The following INTS6 variants were observed in gnomAD, a reference collection of about 807,000 sequenced individuals.
INTS6 encodes the protein DEAD box protein.
In INTS6, 16 loss-of-function variants were observed where a neutral mutation model predicts 104.9. The observed-to-expected ratio is 0.15, with a 90% CI of 0.10 to 0.23. The LOEUF (loss-of-function observed/expected upper bound fraction) is 0.23. Ranked by LOEUF, INTS6 falls within the 10% of genes least tolerant of loss-of-function variation. INTS6 has a pLI of 1.00. For synonymous variants in INTS6, 324 were observed against 358.7 expected (o/e 0.90, Z 1.09); for missense variants, 584 against 1,062.8 (o/e 0.55, Z 6.26).
At chr13:51,352,156 G>C (rs1013157428), downstream of INTS6, among the ~76,000 whole-genome samples, 3 of 152,008 alleles carry the variant, frequency 2.0e-5, no homozygotes, top group African/African-American at 7.2e-5. Flanking sequence ...ATGCAGGAGG[G>C]ATTTAGACAG....
At chr13:51,367,262 A>G (rs1955710914) in intron 17 of INTS6, among the ~76,000 whole-genome samples, 1 of 152,062 alleles carries the variant, frequency 6.6e-6, no homozygotes, top group Non-Finnish European at 1.5e-5. Context: ...CAATACAGAT[A>G]CAACCATCCA....
intron 3 of INTS6, among the ~76,000 whole-genome samples, chr13:51,434,263 A>G (rs893922374): frequency 2.0e-5 from 3 of 152,174 alleles, no homozygotes; most frequent in African/African-American, 4.8e-5. Context: ...AAATCAGTGT[A>G]TCTTCCCCCA....
At chr13:51,357,674 C>G (rs12428053), downstream of INTS6, among the ~76,000 whole-genome samples, 14,281 of 152,012 alleles carry the variant, frequency 0.094, 988 homozygotes, top group Admixed American at 0.2. Flanking sequence ...AGTTCCCCCC[C>G]AGTCTCCTTG....
downstream of INTS6, among the ~76,000 whole-genome samples, chr13:51,350,904 C>T (rs1247196729): frequency 6.6e-6 from 1 of 152,058 alleles, no homozygotes; most frequent in East Asian, 1.9e-4. Flanking sequence ...TACAATTATA[C>T]AATATGTGGC....
downstream of INTS6, chr13:51,361,569 T>C (rs74084812): frequency 2.0e-3 from 1,185 of 587,920 alleles, 14 homozygotes; most frequent in African/African-American, 0.02. Context: ...TAAAAATAAT[T>C]CTGAAAGTTA....
chr13:51,363,886 T>C lies in INTS6; in HGVS notation c.*1866A>G, dbSNP rs752251070. 6 of 161,388 alleles carry C rather than the reference T, an allele frequency of 3.7e-5. No homozygotes were observed. The highest frequency in any genetic ancestry group is 8.0e-5 in the Non-Finnish European group (6 of 74,552). The allele number at this position is 161,388 out of a possible 1,614,324, so 10.0% of individuals were successfully genotyped here. A position where few individuals can be genotyped will look rare whatever the true frequency, so the allele number is the denominator to read the frequency against. On this transcript the variant is annotated 3_prime_UTR_variant, in exon 18 of 18. Coordinates refer to ENST00000311234, the MANE Select transcript of INTS6 (RefSeq NM_012141.3). Reference sequence around the variant, plus strand: ...AAAATGTATTAAAGGTCATGAGCAATCTGTGAAACAGAAAATAAAACTTTC... The same window carrying C: ...AAAATGTATTAAAGGTCATGAGCAACCTGTGAAACAGAAAATAAAACTTTC...
intron 6 of INTS6, among the ~76,000 whole-genome samples, chr13:51,387,938 A>T (rs1214747658): frequency 6.6e-6 from 1 of 152,214 alleles, no homozygotes; most frequent in Non-Finnish European, 1.5e-5. Flanking sequence ...TGCCAGGCAC[A>T]CAATAAATAC....
Position 51,364,296 on chromosome 13 carries a change from A to T in INTS6, c.*1456T>A. The T allele has an allele frequency of 1.4e-6, 2 of 1,407,398 alleles. No individual in the cohort carries two copies. Among genetic ancestry groups the T allele is most frequent in the Non-Finnish European group, 1.9e-6 (2 of 1,040,416 alleles). The allele number at this position is 1,407,398 out of a possible 1,614,324, so 87.2% of individuals were successfully genotyped here. On this transcript the variant is annotated 3_prime_UTR_variant, in exon 18 of 18. Transcript: ENST00000311234. ...CCCCTAGACTAAATGCATGTTCTCC[A>T]CTTTCATCAATGCTTTTCTTCATAA...
rs574909277 is a variant in INTS6 at position 51,367,491 on chromosome 13, G to A, written c.2570+314C>T. On this transcript the variant is annotated intron_variant, in intron 17 of 17. Transcript: ENST00000311234. ...TTAGTCACCAATATTAATGTATAAAGGAGAAAAATTAAAGGTTATAAAATA... is the reference window on the plus strand; with the variant it reads ...TTAGTCACCAATATTAATGTATAAAAGAGAAAAATTAAAGGTTATAAAATA... Among the ~76,000 whole-genome samples the A allele has an allele frequency of 5.9e-5, 9 of 151,858 alleles. No homozygotes were observed. In the South Asian group the frequency reaches 1.7e-3, roughly 28 times the overall value.
At chr13:51,446,410 G>A (rs1325488212) in intron 3 of INTS6, 2 of 152,164 alleles carry the variant, frequency 1.3e-5, no homozygotes, top group Admixed American at 6.5e-5. Context: ...AGAAAATTGT[G>A]TTAGTGAAGA....
chr13:51,353,241 C>G (rs1327901942), downstream of INTS6, among the ~76,000 whole-genome samples: 3 of 151,976 alleles, frequency 2.0e-5, no homozygotes, highest in Admixed American at 2.0e-4. Context: ...GTTTTATTAC[C>G]CACCATAATC....
intron 5 of INTS6, among the ~76,000 whole-genome samples, chr13:51,390,273 C>T (rs982041321): frequency 4.0e-5 from 6 of 151,732 alleles, no homozygotes; most frequent in African/African-American, 1.5e-4. Context: ...AAAATATACA[C>T]CTGATTTTGT....
intron 11 of INTS6, among the ~76,000 whole-genome samples, 197 bp from the exon 12 acceptor site, chr13:51,378,651 A>C (rs1955982568): frequency 6.6e-6 from 1 of 152,086 alleles, no homozygotes. Context: ...ATTTTAAATC[A>C]TTACAACTCT....
chr13:51,341,015 A>C, the INTS6 span: 48 of 1,460,884 alleles, frequency 3.3e-5, no homozygotes, highest in Non-Finnish European at 4.2e-5. Context: ...TCTGTGGGAC[A>C]TGGCCCTCTT....
At chr13:51,429,785 A>AATATATATATAT (rs201277531) in intron 4 of INTS6, among the ~76,000 whole-genome samples, 8 of 92,350 alleles carry the variant, frequency 8.7e-5, no homozygotes, top group Non-Finnish European at 1.4e-4. Context: ...AAAAAAAAAA[A>AATATATATATAT]ATATATATAT....
At chr13:51,414,500 T>C (rs916140273) in intron 4 of INTS6, among the ~76,000 whole-genome samples, 8 of 152,172 alleles carry the variant, frequency 5.3e-5, no homozygotes, top group African/African-American at 1.9e-4. Flanking sequence ...CCCATTCTAA[T>C]CAAACTAATG....
chr13:51,361,174 T>C (rs1955568634), downstream of INTS6: 6 of 755,532 alleles, frequency 7.9e-6, no homozygotes, highest in Admixed American at 2.1e-5. Flanking sequence ...GTAAGCAGCA[T>C]TGGATACTAT....
At chr13:51,419,671 A>T (rs1405556619) in intron 4 of INTS6, among the ~76,000 whole-genome samples, 2 of 152,186 alleles carry the variant, frequency 1.3e-5, no homozygotes, top group Non-Finnish European at 2.9e-5. Context: ...TATCAAACTC[A>T]TGAGCCAGTA....
intron 3 of INTS6, chr13:51,448,357 A>G (rs1013393984): frequency 2.0e-5 from 3 of 152,236 alleles, no homozygotes; most frequent in African/African-American, 4.8e-5. Flanking sequence ...TACTGTAGAA[A>G]TATCAGTAAA....
Sources: gnomAD v4.1 joint callset for allele counts (sites outside exome capture counted in the v4.1 genomes callset) on GRCh38, gnomAD v4.1.1 for gene constraint, MANE v1.5 for transcripts, NCBI Gene and HGNC (gene_info 2026-07-23, HGNC 2026-07-21) for gene names.